Variants in ASNS observed in about 807,000 individuals in gnomAD.
ASNS encodes the protein asparagine synthetase [glutamine-hydrolyzing].
Under a neutral mutation model 62.6 loss-of-function variants are expected in ASNS, and 37 were observed. The ratio of observed to expected loss-of-function variants is 0.59; its 90% confidence interval spans 0.45 to 0.78. The LOEUF (loss-of-function observed/expected upper bound fraction) is 0.78. Ranked by LOEUF, ASNS falls within the 30% of genes least tolerant of loss-of-function variation. The pLI is 0.00. For synonymous variants in ASNS, 207 were observed against 237.9 expected (o/e 0.87, Z 1.19); for missense variants, 520 against 682.4 (o/e 0.76, Z 2.65).
chr7:97,901,044 G>T, the ASNS span, among the ~76,000 whole-genome samples: 1 of 152,210 alleles, frequency 6.6e-6, no homozygotes, highest in African/African-American at 2.4e-5. Context: ...GCACTTGTGG[G>T]TATGAAGCAC....
chr7:97,892,322 C>A, the ASNS span, among the ~76,000 whole-genome samples: 1 of 152,168 alleles, frequency 6.6e-6, no homozygotes, highest in Non-Finnish European at 1.5e-5. Context: ...GGCCTCTGGA[C>A]CTTTGATGGG....
the ASNS span, among the ~76,000 whole-genome samples, chr7:97,889,257 G>A: frequency 2.6e-5 from 4 of 152,190 alleles, no homozygotes; most frequent in African/African-American, 4.8e-5. Context: ...GGTGGCTCAC[G>A]CCTGTAATCC....
chr7:97,872,637 C>G (rs1792343678), upstream of ASNS: 1 of 152,270 alleles, frequency 6.6e-6, no homozygotes, highest in Admixed American at 6.5e-5. Flanking sequence ...AGAGCTCCGC[C>G]CAGGCTACCT....
At chr7:97,920,242 G>A in the ASNS span, among the ~76,000 whole-genome samples, 2 of 152,082 alleles carry the variant, frequency 1.3e-5, no homozygotes, top group Non-Finnish European at 2.9e-5. Flanking sequence ...GGCCTCAGGC[G>A]ATCCGCCCAC....
chr7:97,896,737 CACACATATATATAT>C, the ASNS span, among the ~76,000 whole-genome samples: 93 of 30,516 alleles, frequency 3.0e-3, 1 homozygote, highest in South Asian at 0.013. Context: ...CACACACACA[CACACATATATATAT>C]ATATATATAT....
the ASNS span, among the ~76,000 whole-genome samples, chr7:97,920,241 C>A: frequency 6.6e-6 from 1 of 152,074 alleles, no homozygotes; most frequent in Admixed American, 6.5e-5. Context: ...TGGCCTCAGG[C>A]GATCCGCCCA....
the ASNS span, among the ~76,000 whole-genome samples, chr7:97,902,201 A>C: frequency 6.6e-5 from 10 of 151,954 alleles, no homozygotes; most frequent in African/African-American, 2.4e-4. Context: ...CAGAGATGTA[A>C]ACAACACACT....
chr7:97,859,524 C>A (rs1386904839), intron 4 of ASNS, 126 bp from the exon 5 acceptor site: 2 of 1,031,426 alleles, frequency 1.9e-6, no homozygotes, highest in African/African-American at 1.6e-5. Context: ...ATTAAATAAG[C>A]AAAATAGGAA....
intron 4 of ASNS, chr7:97,863,362 G>C (rs1791811960): frequency 6.6e-6 from 1 of 152,174 alleles, no homozygotes. Context: ...CCAAGTGAAA[G>C]AATCCAGTCA....
chr7:97,918,957 CAAAG>C, the ASNS span, among the ~76,000 whole-genome samples: 1 of 152,030 alleles, frequency 6.6e-6, no homozygotes, highest in African/African-American at 2.4e-5. Flanking sequence ...AAAAAGAAAT[CAAAG>C]AAAAAGGTGT....
chr7:97,924,742 G>A, the ASNS span, among the ~76,000 whole-genome samples: 1 of 152,242 alleles, frequency 6.6e-6, no homozygotes, highest in Non-Finnish European at 1.5e-5. Flanking sequence ...GTGATATTCT[G>A]GTCTGCACCA....
At chr7:97,855,257 A>C in intron 9 of ASNS, 96 bp downstream of exon 9, 1 of 886,948 alleles carries the variant, frequency 1.1e-6, no homozygotes. Flanking sequence ...GATACTCAAA[A>C]ATATCACTGT....
the ASNS span, among the ~76,000 whole-genome samples, chr7:97,881,659 T>G: frequency 6.6e-6 from 1 of 152,154 alleles, no homozygotes; most frequent in Non-Finnish European, 1.5e-5. Context: ...AACATCACGC[T>G]AAGTGAGAGA....
At chr7:97,878,674 C>G in the ASNS span, among the ~76,000 whole-genome samples, 1 of 152,192 alleles carries the variant, frequency 6.6e-6, no homozygotes, top group Non-Finnish European at 1.5e-5. Context: ...ACATTCCATG[C>G]TCATGGGTAG....
chr7:97,872,126 C>A (rs1170569245), intron 1 of ASNS: 1 of 152,296 alleles, frequency 6.6e-6, no homozygotes, highest in East Asian at 1.9e-4. Context: ...GGAACCAGGA[C>A]AGAAAGGTCC....
Position 97,858,320 on chromosome 7 carries a change from T to A in ASNS, c.861A>T (p.Ala287=), listed in dbSNP as rs1172458044. 6.2e-7 allele frequency: 1 copy of A among 1,613,890 alleles called. No individual in the cohort carries two copies. Among genetic ancestry groups the A allele is most frequent in the Admixed American group, 1.7e-5 (1 of 60,016 alleles). ...AQVQYPLQTF[A]IGMEDSPDLL... ...AATCGGGGCTGTCTTCCATGCCAAT[T>A]GCAAATGTCTGGAGAGGATACTGTA... Residue 287 remains alanine (A), a synonymous_variant, in exon 7 of 13, where the codon GCA becomes GCT. Transcript: ENST00000394308.
intron 4 of ASNS, among the ~76,000 whole-genome samples, chr7:97,860,192 G>A (rs913859794): frequency 2.0e-5 from 3 of 152,178 alleles, no homozygotes; most frequent in Non-Finnish European, 1.5e-5. Flanking sequence ...TACACAACCC[G>A]GATAGGGAAT....
chr7:97,859,858 A>G (rs541972158), intron 4 of ASNS, among the ~76,000 whole-genome samples: 7 of 152,302 alleles, frequency 4.6e-5, no homozygotes, highest in South Asian at 4.1e-4. Flanking sequence ...AACAAGTACA[A>G]TGATCCACTT....
the ASNS span, among the ~76,000 whole-genome samples, chr7:97,894,839 G>T: frequency 1.3e-5 from 2 of 152,124 alleles, no homozygotes; most frequent in East Asian, 3.8e-4. Flanking sequence ...CCCAAAAATT[G>T]AAGAGGAAGG....
Sources: gnomAD v4.1 joint callset for allele counts (sites outside exome capture counted in the v4.1 genomes callset) on GRCh38, gnomAD v4.1.1 for gene constraint, MANE v1.5 for transcripts, NCBI Gene and HGNC (gene_info 2026-07-23, HGNC 2026-07-21) for gene names.